TECTA: variants seen among roughly 807,000 people sequenced by gnomAD.
The protein encoded by TECTA is alpha-tectorin.
TECTA carries 128 observed loss-of-function variants against 216.8 expected under a neutral mutation model. The observed-to-expected ratio is 0.59, with a 90% CI of 0.51 to 0.68. The LOEUF (loss-of-function observed/expected upper bound fraction) is 0.68. Ranked by LOEUF, TECTA falls within the 30% of genes least tolerant of loss-of-function variation. The pLI is 0.00. For synonymous variants in TECTA, 1,089 were observed against 1,117.1 expected, an observed-to-expected ratio of 0.97 and a Z score of 0.50; for missense variants, 2,551 against 2,786.2, an observed-to-expected ratio of 0.92 and a Z score of 1.90.
At chr11:121,183,961 C>G (rs886348973) in intron 20 of TECTA, among the ~76,000 whole-genome samples, 1 of 151,964 alleles carries the variant, frequency 6.6e-6, no homozygotes, top group Non-Finnish European at 1.5e-5. Context: ...CTAATTTTCT[C>G]TATTTTTCGT....
At chr11:121,111,352 T>G (rs1946440062) in intron 4 of TECTA, among the ~76,000 whole-genome samples, 1 of 152,208 alleles carries the variant, frequency 6.6e-6, no homozygotes, top group Non-Finnish European at 1.5e-5. Context: ...AACCAAAGTC[T>G]TCCAACTCCA....
intron 20 of TECTA, among the ~76,000 whole-genome samples, chr11:121,181,999 TCAG>T (rs1452359456): frequency 2.6e-5 from 4 of 152,232 alleles, no homozygotes; most frequent in African/African-American, 9.6e-5. Flanking sequence ...TCAGCTGTAA[TCAG>T]CATCAGTCAT....
At chr11:121,123,956 C>A (rs1448435529) in intron 7 of TECTA, among the ~76,000 whole-genome samples, 1 of 152,186 alleles carries the variant, frequency 6.6e-6, no homozygotes, top group African/African-American at 2.4e-5. Flanking sequence ...CTGTTCCCTC[C>A]TCAAGAGCCA....
intron 11 of TECTA, among the ~76,000 whole-genome samples, chr11:121,138,805 T>C (rs1946756358): frequency 6.6e-6 from 1 of 152,264 alleles, no homozygotes; most frequent in African/African-American, 2.4e-5. Flanking sequence ...CTTGAAATGC[T>C]AACAATCAAG....
chr11:121,127,621 G>A lies in TECTA; in HGVS notation c.1775-131G>A, dbSNP rs1946625531. Reference sequence around the variant, plus strand: ...GTTTTACAGATACAACCTCAATTCTGTCTTCCCCGAGTGGCCGCTTGACCC... The same window carrying A: ...GTTTTACAGATACAACCTCAATTCTATCTTCCCCGAGTGGCCGCTTGACCC... On this transcript the variant is annotated intron_variant, in intron 8 of 23. Coordinates refer to ENST00000392793, the MANE Select transcript of TECTA (RefSeq NM_005422.4). The surrounding 1 kb of genome is among the most constrained non-coding windows in gnomAD (Gnocchi z 5.0). The A allele has an allele frequency of 1.0e-5, 10 of 995,734 alleles. No homozygotes were observed. Among genetic ancestry groups the A allele is most frequent in the Non-Finnish European group, 1.6e-5 (10 of 633,870 alleles). The allele number at this position is 995,734 out of a possible 1,614,324, so 61.7% of individuals were successfully genotyped here.
intron 20 of TECTA, among the ~76,000 whole-genome samples, chr11:121,187,524 A>C (rs1272472395): frequency 6.6e-6 from 1 of 152,260 alleles, no homozygotes; most frequent in Non-Finnish European, 1.5e-5. Context: ...ACACAACATT[A>C]TGAGGGGGCG....
At chr11:121,170,295 A>G (rs948123908) in intron 20 of TECTA, among the ~76,000 whole-genome samples, 3 of 152,206 alleles carry the variant, frequency 2.0e-5, no homozygotes, top group Admixed American at 2.0e-4. Flanking sequence ...GGCTATTGTG[A>G]ATAGTGCTGC....
chr11:121,121,025 G>A (rs1169203156), intron 7 of TECTA, among the ~76,000 whole-genome samples: 1 of 152,220 alleles, frequency 6.6e-6, no homozygotes, highest in Non-Finnish European at 1.5e-5. Flanking sequence ...CTGGGATACA[G>A]GCAGCAGGGA....
At chr11:121,150,643 ATTTT>A (rs202043512) in intron 12 of TECTA, among the ~76,000 whole-genome samples, 450 of 127,932 alleles carry the variant, frequency 3.5e-3, no homozygotes, top group African/African-American at 0.011. Context: ...GCCTATTTTA[ATTTT>A]TTTTTTTTTT....
chr11:121,189,768 G>A lies in TECTA; in HGVS notation c.6255G>A (p.Leu2085=). 6.2e-7 allele frequency: 1 copy of A among 1,613,886 alleles called. No homozygotes were observed. The highest frequency in any genetic ancestry group is 2.2e-5 in the East Asian group (1 of 44,878). Residue 2085 remains leucine, a synonymous_variant, in exon 23 of 24, where the codon CTG becomes CTA. Transcript: ENST00000392793. ...TTCCTAACTGCTCTTTTGTAGGGCTGGACTGGTGTGAGGACAATGGAGGGT... is the reference window on the plus strand; with the variant it reads ...TTCCTAACTGCTCTTTTGTAGGGCTAGACTGGTGTGAGGACAATGGAGGGT... ...ISVGPIRRKR[L]DWCEDNGGCE... is the part of the protein sequence containing the mutation.
intron 12 of TECTA, among the ~76,000 whole-genome samples, chr11:121,148,952 C>A (rs148389201): frequency 1.6e-3 from 249 of 152,210 alleles, no homozygotes; most frequent in African/African-American, 5.6e-3. Context: ...TAATCGGGGA[C>A]TGTAATTAGA....
chr11:121,167,464 G>A (rs1947065737), intron 18 of TECTA, among the ~76,000 whole-genome samples: 1 of 152,142 alleles, frequency 6.6e-6, no homozygotes. Context: ...AAAAACAGCT[G>A]GCTTCAGAAA....
At chr11:121,168,334 T>C in intron 19 of TECTA, 117 bp downstream of exon 19, 1 of 1,377,698 alleles carries the variant, frequency 7.3e-7, no homozygotes, top group Non-Finnish European at 1.0e-6. Context: ...TAATTCACGT[T>C]TCTTGAGCCT....
chr11:121,188,207 C>CTAA (rs1179173583), intron 21 of TECTA, among the ~76,000 whole-genome samples: 1 of 152,182 alleles, frequency 6.6e-6, no homozygotes, highest in African/African-American at 2.4e-5. Flanking sequence ...ATTGGCTTAA[C>CTAA]GCTAGACTAG....
rs1366461341 is a variant in TECTA, at chr11:121,162,046, G to T, written c.4977-29G>T. 5 of 1,612,842 alleles carry T rather than the reference G, an allele frequency of 3.1e-6. No individual in the cohort carries two copies. The African/African-American group carries it at 6.7e-5, about 22-fold the overall frequency. Reference sequence around the variant, plus strand: ...TACCTTCCATTGGAGATCTCAGATGGCTGTTTTTGCTTCACTCAGTCTGAC... The same window carrying T: ...TACCTTCCATTGGAGATCTCAGATGTCTGTTTTTGCTTCACTCAGTCTGAC... On this transcript the variant is annotated intron_variant, in intron 15 of 23. Coordinates refer to ENST00000392793, the MANE Select transcript of TECTA (RefSeq NM_005422.4).
chr11:121,131,084 G>C (rs1946670274), intron 10 of TECTA, among the ~76,000 whole-genome samples: 2 of 151,964 alleles, frequency 1.3e-5, no homozygotes, highest in African/African-American at 4.8e-5. Flanking sequence ...CGTGGTGGCG[G>C]GGGCCTGTGG....
chr11:121,104,248 AT>A (rs35008214), intron 2 of TECTA, among the ~76,000 whole-genome samples: 5 of 152,100 alleles, frequency 3.3e-5, no homozygotes, highest in South Asian at 2.1e-4. Context: ...GATTATAAAG[AT>A]TTTTTTTAAT....
chr11:121,130,003 G>T lies in TECTA; in HGVS notation c.2733G>T (p.Arg911Ser). ...ELLKFYRSRS[R>S]CGIINDPSNS... ...TCAAGTTTTATCGAAGCCGCTCCAGGTGCGGCATCATCAACGACCCCTCCA... is the reference window on the plus strand; with the variant it reads ...TCAAGTTTTATCGAAGCCGCTCCAGTTGCGGCATCATCAACGACCCCTCCA... The change falls in exon 10 of 24, where the codon AGG becomes AGT. Residue 911 changes from arginine (R) to serine (S), a missense_variant. This residue lies in a region of TECTA where 2,375 missense variants were observed against 2,563.9 expected (regional missense o/e 0.93). Coordinates refer to ENST00000392793, the MANE Select transcript of TECTA (RefSeq NM_005422.4). 6.2e-7 allele frequency: 1 copy of T among 1,608,134 alleles called. No homozygotes were observed. The highest frequency in any genetic ancestry group is 8.5e-7 in the Non-Finnish European group (1 of 1,176,002).
rs761003405 is a variant in TECTA at position 121,187,910 on chromosome 11, CTT to C, written c.6080_6081del (p.Phe2027Ter). ...SLTCRFHVTV[F>X]KFIGDYDEVH... Reference sequence around the variant, plus strand: ...TGACCTGTCGCTTTCACGTCACCGTCTTTAAATTCATAGGGGATTACGACGAA... The same window carrying C: ...TGACCTGTCGCTTTCACGTCACCGTCTAAATTCATAGGGGATTACGACGAA... On this transcript the variant is annotated frameshift_variant, in exon 21 of 24. Transcript: ENST00000392793. LOFTEE classifies it high-confidence loss of function. 6.2e-7 allele frequency: 1 copy of C among 1,614,124 alleles called. No homozygotes were observed. The highest frequency in any genetic ancestry group is 8.5e-7 in the Non-Finnish European group (1 of 1,180,050).
Sources: allele counts gnomAD v4.1 joint callset (sites outside exome capture counted in the v4.1 genomes callset), GRCh38; gene constraint gnomAD v4.1.1; regional missense constraint gnomAD v4.1.1; non-coding constraint Gnocchi (gnomAD v3.1); transcripts MANE v1.5; gene names NCBI Gene and HGNC (gene_info 2026-07-23, HGNC 2026-07-21).